The following PDE4B variants were observed in gnomAD, a reference collection of about 807,000 sequenced individuals.
PDE4B encodes phosphodiesterase 4B.
A neutral mutation model predicts 82.2 loss-of-function variants in PDE4B; 20 were observed. The ratio of observed to expected loss-of-function variants is 0.24; its 90% CI spans 0.17 to 0.35. PDE4B has a LOEUF of 0.35. PDE4B is among the 10% of genes least tolerant of loss of function. The pLI, the probability that PDE4B is intolerant of heterozygous loss-of-function variation, is 1.00. For missense variants in PDE4B, 655 were observed against 907.2 expected (o/e 0.72, Z 3.57); for synonymous variants, 320 against 318.9 (o/e 1.00, Z -0.04).
intron 1 of PDE4B, among the ~76,000 whole-genome samples, chr1:65,910,351 A>G (rs1461828388): frequency 2.0e-5 from 3 of 152,190 alleles, no homozygotes; most frequent in African/African-American, 7.2e-5. Context: ...ATCAAAACCA[A>G]TCTAGATCTC....
At chr1:66,247,719 G>A (rs1557658336) in intron 4 of PDE4B, 65 bp downstream of exon 4, 3 of 1,218,560 alleles carry the variant, frequency 2.5e-6, no homozygotes, top group East Asian at 4.9e-5. Flanking sequence ...GGTCACAGTG[G>A]CAGCAACAAC....
intron 3 of PDE4B, among the ~76,000 whole-genome samples, chr1:66,120,961 C>T (rs1292014494): frequency 6.6e-6 from 1 of 152,130 alleles, no homozygotes; most frequent in Non-Finnish European, 1.5e-5. Flanking sequence ...AATGTATATG[C>T]CCTTTAATGA....
intron 3 of PDE4B, among the ~76,000 whole-genome samples, chr1:66,207,837 C>T (rs1412672208): frequency 6.6e-6 from 1 of 152,118 alleles, no homozygotes; most frequent in African/African-American, 2.4e-5. Flanking sequence ...TTACAAAATA[C>T]TCTTTGAGTA....
intron 3 of PDE4B, among the ~76,000 whole-genome samples, chr1:66,062,676 A>G (rs1655639167): frequency 6.6e-6 from 1 of 152,058 alleles, no homozygotes; most frequent in African/African-American, 2.4e-5. Context: ...AGCCTTTGGT[A>G]GAAATTAGGT....
intron 3 of PDE4B, among the ~76,000 whole-genome samples, chr1:65,972,814 G>T (rs1018003960): frequency 6.6e-6 from 1 of 152,120 alleles, no homozygotes; most frequent in African/African-American, 2.4e-5. Flanking sequence ...AGCCTTTTCA[G>T]TAAAGAGAGG....
At chr1:65,864,104 T>C (rs969445938) in intron 1 of PDE4B, among the ~76,000 whole-genome samples, 18 of 152,128 alleles carry the variant, frequency 1.2e-4, no homozygotes, top group African/African-American at 3.4e-4. Flanking sequence ...CTTATTTCAG[T>C]AAGTTGATCT....
chr1:65,986,835 ATGAATC>A (rs1191910991), intron 3 of PDE4B, among the ~76,000 whole-genome samples: 8 of 152,306 alleles, frequency 5.3e-5, no homozygotes, highest in African/African-American at 1.7e-4. Flanking sequence ...ATGGAGAAAA[ATGAATC>A]AGAATAGGGG....
chr1:65,793,963 G>A (rs148389015), intron 1 of PDE4B, among the ~76,000 whole-genome samples: 234 of 152,160 alleles, frequency 1.5e-3, no homozygotes, highest in African/African-American at 5.4e-3. Flanking sequence ...AACACAAATC[G>A]GAACCCACTA....
intron 3 of PDE4B, among the ~76,000 whole-genome samples, chr1:66,202,716 C>G (rs1224421272): frequency 2.0e-5 from 3 of 152,038 alleles, no homozygotes; most frequent in Non-Finnish European, 2.9e-5. Flanking sequence ...CTTCCTCCAT[C>G]CCTTTATTTT....
At chr1:65,856,342 C>T (rs1646392527) in intron 1 of PDE4B, among the ~76,000 whole-genome samples, 1 of 152,168 alleles carries the variant, frequency 6.6e-6, no homozygotes, top group Admixed American at 6.5e-5. Context: ...TTGCCCCACC[C>T]CCACAACAGG....
intron 3 of PDE4B, among the ~76,000 whole-genome samples, chr1:65,920,959 C>CTT (rs71058435): frequency 0.035 from 2,419 of 68,228 alleles, 456 homozygotes; most frequent in Non-Finnish European, 0.05. Context: ...AAAAGCATTT[C>CTT]TTTTTTTTTT....
intron 1 of PDE4B, among the ~76,000 whole-genome samples, chr1:65,871,170 T>A (rs1009454147): frequency 2.0e-5 from 3 of 152,190 alleles, no homozygotes; most frequent in Non-Finnish European, 2.9e-5. Context: ...AGAGTCAGAA[T>A]CCTTCAAATG....
chr1:66,147,692 T>C (rs1354919363), intron 3 of PDE4B, among the ~76,000 whole-genome samples: 1 of 152,202 alleles, frequency 6.6e-6, no homozygotes, highest in Non-Finnish European at 1.5e-5. Context: ...ATAGGGTGCT[T>C]CCAGTGGGGC....
chr1:66,141,327 AATATATATATATATATAT>A (rs71058454), intron 3 of PDE4B, among the ~76,000 whole-genome samples: 92 of 91,400 alleles, frequency 1.0e-3, no homozygotes, highest in South Asian at 1.1e-3. Context: ...AAGCTTTGAG[AATATATATATATATATAT>A]ATATATATAT....
chr1:65,814,853 T>C (rs940755059), intron 1 of PDE4B, among the ~76,000 whole-genome samples: 7 of 151,600 alleles, frequency 4.6e-5, no homozygotes, highest in African/African-American at 1.7e-4. Flanking sequence ...AGCTACAAAT[T>C]TTTTTTTGTA....
upstream of PDE4B, chr1:65,792,676 C>G (rs925865139): frequency 6.6e-6 from 1 of 152,112 alleles, no homozygotes; most frequent in Non-Finnish European, 1.5e-5. Context: ...AGGGAGAGGC[C>G]AGACGACTGG....
chr1:65,948,438 T>C (rs771746761), intron 3 of PDE4B, among the ~76,000 whole-genome samples: 30 of 151,456 alleles, frequency 2.0e-4, no homozygotes, highest in Non-Finnish European at 2.8e-4. Flanking sequence ...GAACTTGGAG[T>C]CTGATGTTCA....
intron 1 of PDE4B, 58 bp from the exon 2 acceptor site, chr1:65,913,187 C>G: frequency 3.0e-6 from 2 of 673,138 alleles, no homozygotes; most frequent in Non-Finnish European, 5.3e-6. Flanking sequence ...GAGTATGCCA[C>G]ATATTTTTCT....
At chr1:66,294,779 T>G (rs1439221705) in intron 7 of PDE4B, among the ~76,000 whole-genome samples, 1 of 152,076 alleles carries the variant, frequency 6.6e-6, no homozygotes, top group Non-Finnish European at 1.5e-5. Flanking sequence ...GTTAAGAGAC[T>G]GACTACATTA....
Sources: allele counts gnomAD v4.1 joint callset (sites outside exome capture counted in the v4.1 genomes callset), GRCh38; gene constraint gnomAD v4.1.1; transcripts MANE v1.5; gene names NCBI Gene and HGNC (gene_info 2026-07-23, HGNC 2026-07-21).